The following STK33 variants were observed in gnomAD, a reference collection of about 807,000 sequenced individuals.
The protein encoded by STK33 is serine/threonine kinase 33.
STK33 carries 52 observed loss-of-function variants against 58.0 expected under a neutral mutation model. The ratio of observed to expected loss-of-function variants is 0.90; its 90% CI spans 0.72 to 1.13. The LOEUF (loss-of-function observed/expected upper bound fraction) is 1.13, where lower values mean the gene tolerates loss of function less well. Among genes scored for constraint, STK33 ranks in the 50% most tolerant of loss-of-function variants. The probability of loss-of-function intolerance (pLI) is 0.00; values close to 1 mark genes in which losing one functional copy is unlikely to be tolerated. For missense variants in STK33, 630 were observed against 604.2 expected, an observed-to-expected ratio of 1.04 and a Z score of -0.45; for synonymous variants, 215 against 200.1, an observed-to-expected ratio of 1.07 and a Z score of -0.63.
At chr11:8,382,600 C>G in the STK33 span, among the ~76,000 whole-genome samples, 2 of 152,136 alleles carry the variant, frequency 1.3e-5, no homozygotes, top group African/African-American at 4.8e-5. Context: ...GGCGTGGGGA[C>G]ATGCAGCTTA....
At chr11:8,582,852 G>T (rs1478715913) in intron 1 of STK33, among the ~76,000 whole-genome samples, 1 of 152,176 alleles carries the variant, frequency 6.6e-6, no homozygotes, top group African/African-American at 2.4e-5. Context: ...CTACAGTGGA[G>T]AAGTGGCCAC....
At chr11:8,453,355 CCT>C (rs1318931664) in intron 10 of STK33, among the ~76,000 whole-genome samples, 1 of 151,962 alleles carries the variant, frequency 6.6e-6, no homozygotes, top group African/African-American at 2.4e-5. Context: ...AATAATTATC[CCT>C]GTCAGCACTC....
chr11:8,589,663 T>C lies in STK33; in HGVS notation c.-466+4420A>G, dbSNP rs530203456. 1.8e-4 allele frequency among the ~76,000 whole-genome samples: 28 copies of C among 152,086 alleles called. No individual in the cohort carries two copies. The East Asian group carries it at 2.3e-3, about 13-fold the overall frequency. Reference sequence around the variant, plus strand: ...TTATGGTATGTAAATTATATCTCAATAAAAAAAGTGAGGTGCAACTATAAA... The same window carrying C: ...TTATGGTATGTAAATTATATCTCAACAAAAAAAGTGAGGTGCAACTATAAA... On this transcript the variant is annotated intron_variant, in intron 1 of 15. Transcript: ENST00000687296.
At chr11:8,559,023 T>C (rs1237659919) in intron 1 of STK33, among the ~76,000 whole-genome samples, 2 of 152,180 alleles carry the variant, frequency 1.3e-5, no homozygotes, top group South Asian at 4.1e-4. Context: ...CAGCCACAAT[T>C]TCTAAATAGA....
At chr11:8,449,022 A>G (rs1023647899) in intron 11 of STK33, among the ~76,000 whole-genome samples, 3 of 151,800 alleles carry the variant, frequency 2.0e-5, no homozygotes, top group Admixed American at 1.3e-4. Context: ...GCCAAAAGAC[A>G]CGTGAAAAAA....
chr11:8,461,199 G>T (rs141280379), intron 8 of STK33, among the ~76,000 whole-genome samples: 173 of 152,258 alleles, frequency 1.1e-3, no homozygotes, highest in African/African-American at 4.1e-3. Flanking sequence ...CGCCTAATCC[G>T]TACATTATTA....
chr11:8,401,699 G>A (rs1938006083), intron 15 of STK33, among the ~76,000 whole-genome samples: 1 of 152,122 alleles, frequency 6.6e-6, no homozygotes, highest in Non-Finnish European at 1.5e-5. Context: ...CAGAATGGGA[G>A]AAAATTTTTG....
intron 15 of STK33, 36 bp downstream of exon 15, chr11:8,413,459 T>C (rs1409042646): frequency 6.2e-7 from 1 of 1,609,402 alleles, no homozygotes. Context: ...GAGGGTATTT[T>C]ACACTTGGGA....
chr11:8,457,674 G>T (rs1379350250), intron 8 of STK33, among the ~76,000 whole-genome samples, 195 bp from the exon 9 acceptor site: 1 of 152,106 alleles, frequency 6.6e-6, no homozygotes, highest in Admixed American at 6.6e-5. Context: ...TCCCCAAGAA[G>T]CTCACAAATA....
At chr11:8,553,653 T>C (rs1272616606) in intron 1 of STK33, among the ~76,000 whole-genome samples, 2 of 152,104 alleles carry the variant, frequency 1.3e-5, no homozygotes, top group Non-Finnish European at 2.9e-5. Context: ...CACACATTAA[T>C]AGTCAACTGA....
chr11:8,426,991 T>C (rs1365035607), intron 14 of STK33, among the ~76,000 whole-genome samples: 1 of 152,190 alleles, frequency 6.6e-6, no homozygotes. Context: ...TTCTGGGTTA[T>C]CATGATTATG....
At chr11:8,385,350 G>A in the STK33 span, among the ~76,000 whole-genome samples, 1 of 152,128 alleles carries the variant, frequency 6.6e-6, no homozygotes, top group East Asian at 1.9e-4. Context: ...TTCTTCCTGT[G>A]GCCCCCTAAA....
At chr11:8,451,379 G>A (rs140066531) in intron 11 of STK33, among the ~76,000 whole-genome samples, 40 of 152,230 alleles carry the variant, frequency 2.6e-4, no homozygotes, top group Non-Finnish European at 4.4e-4. Context: ...GTATATCCAC[G>A]CAATGGACAA....
chr11:8,540,990 C>CTATA (rs1382518084), intron 1 of STK33, among the ~76,000 whole-genome samples: 32 of 137,242 alleles, frequency 2.3e-4, no homozygotes, highest in South Asian at 6.9e-4. Flanking sequence ...CTCTCTCTCT[C>CTATA]TCTCTATATA....
At chr11:8,509,859 A>G (rs1002061532) in intron 1 of STK33, among the ~76,000 whole-genome samples, 3 of 152,184 alleles carry the variant, frequency 2.0e-5, no homozygotes, top group African/African-American at 4.8e-5. Flanking sequence ...TTATGGCTGA[A>G]TAGTATTCCA....
intron 1 of STK33, among the ~76,000 whole-genome samples, chr11:8,539,420 T>A (rs1031963503): frequency 1.3e-5 from 2 of 152,002 alleles, no homozygotes; most frequent in Non-Finnish European, 2.9e-5. Flanking sequence ...AGTGTATCAG[T>A]GAACAAGGCA....
chr11:8,523,498 G>T (rs984930720), intron 1 of STK33, among the ~76,000 whole-genome samples: 3 of 151,522 alleles, frequency 2.0e-5, no homozygotes, highest in African/African-American at 7.3e-5. Flanking sequence ...TGTCTGAGAA[G>T]CGAGGAGCCC....
the STK33 span, among the ~76,000 whole-genome samples, chr11:8,355,832 C>T: frequency 6.6e-6 from 1 of 152,204 alleles, no homozygotes; most frequent in Non-Finnish European, 1.5e-5. Context: ...ATGTCGGAAG[C>T]GCTTCGTAAA....
chr11:8,519,686 A>G (rs1953198017), intron 1 of STK33, among the ~76,000 whole-genome samples: 1 of 152,232 alleles, frequency 6.6e-6, no homozygotes, highest in African/African-American at 2.4e-5. Flanking sequence ...ACAGAAATAC[A>G]AACTACCATC....
Sources: gnomAD v4.1 joint callset for allele counts (sites outside exome capture counted in the v4.1 genomes callset) on GRCh38, gnomAD v4.1.1 for gene constraint, MANE v1.5 for transcripts, NCBI Gene and HGNC (gene_info 2026-07-23, HGNC 2026-07-21) for gene names.